The following DNAH11 variants were observed in gnomAD, a reference collection of about 807,000 sequenced individuals.
DNAH11 encodes dynein axonemal heavy chain 11, also known as axonemal beta dynein heavy chain 11.
In DNAH11, 442 loss-of-function variants were observed where a neutral mutation model predicts 526.0. The observed-to-expected ratio is 0.84, with a 90% CI of 0.78 to 0.91. The LOEUF is 0.91. Among genes scored for constraint, DNAH11 ranks in the 40% least tolerant of loss-of-function variants. The pLI is 0.00. For missense variants in DNAH11, 6,989 were observed against 5,448.7 expected (o/e 1.28, Z -8.90); for synonymous variants, 2,461 against 1,935.9 (o/e 1.27, Z -7.12).
At chr7:21,700,639 A>G (rs1417416795) in intron 36 of DNAH11, among the ~76,000 whole-genome samples, 14 of 152,166 alleles carry the variant, frequency 9.2e-5, no homozygotes, top group Non-Finnish European at 1.3e-4. Flanking sequence ...AAATCATTCT[A>G]CTATAAAGAC....
chr7:21,543,282 T>A lies in DNAH11; in HGVS notation c.37T>A (p.Phe13Ile). The change falls in exon 1 of 82, where the codon TTC (phenylalanine) becomes ATC (isoleucine). Residue 13 changes from phenylalanine (F) to isoleucine (I), a missense_variant. Transcript: ENST00000409508. ...GGTGGCAGCCCGGGAGGCGCGAGAC[T>A]TCAGAGAAGCCCCGACCCTTCGCCT... ...AQVAAREARD[F>I]REAPTLRLTS... The A allele has an allele frequency of 6.5e-7, 1 of 1,544,396 alleles. No homozygotes were observed. Among genetic ancestry groups the A allele is most frequent in the Non-Finnish European group, 8.7e-7 (1 of 1,143,738 alleles).
chr7:21,672,075 C>T (rs1280995530), intron 30 of DNAH11, among the ~76,000 whole-genome samples: 1 of 152,012 alleles, frequency 6.6e-6, no homozygotes, highest in Non-Finnish European at 1.5e-5. Context: ...CTCTGGCTGG[C>T]GGAAATGAAA....
At chr7:21,605,979 A>G (rs1785264126) in intron 18 of DNAH11, among the ~76,000 whole-genome samples, 1 of 152,170 alleles carries the variant, frequency 6.6e-6, no homozygotes, top group African/African-American at 2.4e-5. Context: ...ATCCTTTTTT[A>G]TAAACTCATT....
rs1376411635 is a variant in DNAH11, at chr7:21,600,922, A to G, written c.3247A>G (p.Lys1083Glu). 2 of 1,613,714 alleles carry G rather than the reference A, an allele frequency of 1.2e-6. No homozygotes were observed. Among genetic ancestry groups the G allele is most frequent in the Admixed American group, 3.3e-5 (2 of 59,982 alleles). The change falls in exon 16 of 82, where the codon AAA becomes GAA. Residue 1083 changes from lysine (K) to glutamate (E), a missense_variant. Transcript: ENST00000409508. Reference sequence around the variant, plus strand: ...ACAACCACCAACTCTTGAGCAATTCAAAGAACAGGCAAGGAAAACCCTTAG... The same window carrying G: ...ACAACCACCAACTCTTGAGCAATTCGAAGAACAGGCAAGGAAAACCCTTAG... ...PEQPPTLEQF[K>E]EQIDIYEALY...
intron 65 of DNAH11, among the ~76,000 whole-genome samples, chr7:21,826,151 C>G (rs1183816499): frequency 6.6e-6 from 1 of 151,818 alleles, no homozygotes; most frequent in African/African-American, 2.4e-5. Flanking sequence ...GCGCTTGTAC[C>G]CCATAAATCT....
rs538591546 is a variant in DNAH11, at chr7:21,604,545, G to A, written c.3649-1881G>A. On this transcript the variant is annotated intron_variant, in intron 18 of 81. Transcript: ENST00000409508. ...CTGTATTGGTCGTCATACCTCAAGG[G>A]ATCTCACCCTAATCTCTGCCTGTTG... Among the ~76,000 whole-genome samples, 8 of 152,190 alleles carry A rather than the reference G, an allele frequency of 5.3e-5. No individual in the cohort carries two copies. The East Asian group carries it at 9.7e-4, about 18-fold the overall frequency.
chr7:21,719,419 A>G (rs565147085), intron 43 of DNAH11, among the ~76,000 whole-genome samples: 2 of 152,346 alleles, frequency 1.3e-5, no homozygotes, highest in Admixed American at 6.5e-5. Flanking sequence ...ATATATTTCA[A>G]GTACTGTGGG....
chr7:21,825,398 G>A (rs547145528), intron 65 of DNAH11, among the ~76,000 whole-genome samples: 13 of 152,274 alleles, frequency 8.5e-5, no homozygotes, highest in African/African-American at 2.6e-4. Flanking sequence ...AGATAGTTGG[G>A]TTGTAGAACT....
At chr7:21,651,854 A>G (rs1286192956) in intron 28 of DNAH11, among the ~76,000 whole-genome samples, 3 of 152,256 alleles carry the variant, frequency 2.0e-5, no homozygotes, top group African/African-American at 7.2e-5. Context: ...CTGCCTAAGT[A>G]ACAGATGTGC....
chr7:21,869,497 A>G (rs78658829), intron 73 of DNAH11, among the ~76,000 whole-genome samples: 1 of 150,254 alleles, frequency 6.7e-6, no homozygotes, highest in Non-Finnish European at 1.5e-5. Flanking sequence ...GAGCGAAAAG[A>G]AAAAAAAAAG....
intron 73 of DNAH11, among the ~76,000 whole-genome samples, chr7:21,871,625 T>C (rs959709141): frequency 1.3e-5 from 2 of 152,256 alleles, no homozygotes; most frequent in African/African-American, 4.8e-5. Flanking sequence ...TGTTTTCTTT[T>C]ATGATTGGCA....
At chr7:21,555,603 G>T (rs1455140637) in intron 2 of DNAH11, among the ~76,000 whole-genome samples, 1 of 152,188 alleles carries the variant, frequency 6.6e-6, no homozygotes, top group African/African-American at 2.4e-5. Context: ...TTATATCTCA[G>T]TTACACACAC....
chr7:21,661,268 A>G (rs1009581907), intron 30 of DNAH11, among the ~76,000 whole-genome samples: 20 of 151,952 alleles, frequency 1.3e-4, no homozygotes, highest in African/African-American at 4.3e-4. Flanking sequence ...GACTTTGCTC[A>G]TTTTTTATTT....
intron 18 of DNAH11, among the ~76,000 whole-genome samples, chr7:21,606,020 T>C (rs1390740791): frequency 6.6e-6 from 1 of 152,206 alleles, no homozygotes; most frequent in South Asian, 2.1e-4. Flanking sequence ...CATGGGTTAG[T>C]GTAAAGAAAT....
intron 65 of DNAH11, among the ~76,000 whole-genome samples, chr7:21,828,448 T>G (rs1790401500): frequency 6.6e-6 from 1 of 152,190 alleles, no homozygotes; most frequent in Non-Finnish European, 1.5e-5. Context: ...CTAAATTTAG[T>G]AAAGTTTTTT....
intron 42 of DNAH11, among the ~76,000 whole-genome samples, chr7:21,715,601 A>G (rs1562505365): frequency 6.6e-6 from 1 of 152,092 alleles, no homozygotes; most frequent in Non-Finnish European, 1.5e-5. Flanking sequence ...ATCTTTTAAA[A>G]ATCATAGGGA....
chr7:21,896,882 G>C (rs1218967397), intron 79 of DNAH11, among the ~76,000 whole-genome samples: 4 of 152,040 alleles, frequency 2.6e-5, no homozygotes, highest in African/African-American at 7.3e-5. Context: ...AACATAATGA[G>C]ACCCTGTCTC....
intron 54 of DNAH11, among the ~76,000 whole-genome samples, chr7:21,755,667 G>T (rs978471049): frequency 1.3e-5 from 2 of 151,996 alleles, no homozygotes; most frequent in African/African-American, 2.4e-5. Context: ...TCTTCTATGT[G>T]CACATAAACA....
intron 65 of DNAH11, among the ~76,000 whole-genome samples, chr7:21,840,977 T>C (rs575725539): frequency 5.8e-4 from 88 of 152,214 alleles, no homozygotes; most frequent in African/African-American, 2.0e-3. Flanking sequence ...AGGTCAGTAG[T>C]TGGAGACCAG....
Sources: allele counts gnomAD v4.1 joint callset (sites outside exome capture counted in the v4.1 genomes callset), GRCh38; gene constraint gnomAD v4.1.1; transcripts MANE v1.5; gene names NCBI Gene and HGNC (gene_info 2026-07-23, HGNC 2026-07-21).